The following SPG11 variants were observed in gnomAD, a reference collection of about 807,000 sequenced individuals.
SPG11 encodes the protein SPG11 vesicle trafficking associated, spatacsin, also known as spatacsin.
In SPG11, 222 loss-of-function variants were observed where a neutral mutation model predicts 274.0. That is an observed-to-expected ratio of 0.81 (90% confidence interval 0.73 to 0.91). The LOEUF (loss-of-function observed/expected upper bound fraction) is 0.91, where lower values mean the gene tolerates loss of function less well. SPG11 is among the 40% of genes least tolerant of loss of function. SPG11 has a pLI of 0.00. For synonymous variants in SPG11, 1,144 were observed against 1,039.7 expected, an observed-to-expected ratio of 1.10 and a Z score of -1.93; for missense variants, 3,114 against 2,872.7, an observed-to-expected ratio of 1.08 and a Z score of -1.92.
intron 8 of SPG11, among the ~76,000 whole-genome samples, chr15:44,632,219 A>C (rs1371539338): frequency 6.6e-6 from 1 of 152,140 alleles, no homozygotes; most frequent in South Asian, 2.1e-4. Context: ...ATTTCTCCCA[A>C]TGTCAGAAGA....
Position 44,628,861 on chromosome 15 carries a change from T to G in SPG11, c.1892-17A>C. The stretch of plus-strand genomic sequence containing the variant: ...CATCTAGTTCTATGGAAAATACCAA[T>G]GTGCCAATTTGTGTGTGTGTGTGTA... On this transcript the variant is annotated splice_polypyrimidine_tract_variant and intron_variant, in intron 9 of 39. Coordinates refer to ENST00000261866, the MANE Select transcript of SPG11 (RefSeq NM_025137.4). The G allele has an allele frequency of 6.2e-7, 1 of 1,607,486 alleles. No homozygotes were observed. Among genetic ancestry groups the G allele is most frequent in the Non-Finnish European group, 8.5e-7 (1 of 1,175,942 alleles).
At chr15:44,618,199 G>C (rs2083639225) in intron 15 of SPG11, among the ~76,000 whole-genome samples, 1 of 152,044 alleles carries the variant, frequency 6.6e-6, no homozygotes, top group Non-Finnish European at 1.5e-5. Flanking sequence ...GATTTTTCTA[G>C]GTACCCCTTT....
chr15:44,568,445 G>C (rs1335998440), intron 35 of SPG11, among the ~76,000 whole-genome samples: 6 of 152,082 alleles, frequency 3.9e-5, no homozygotes, highest in African/African-American at 1.4e-4. Context: ...ATCCTGCCTG[G>C]CTGGGCCCAT....
rs2082474745 is a variant in SPG11, at chr15:44,573,700, C to G, written c.6052G>C (p.Ala2018Pro). 2 of 1,614,226 alleles carry G rather than the reference C, an allele frequency of 1.2e-6. No homozygotes were observed. The highest frequency in any genetic ancestry group is 4.5e-5 in the East Asian group (2 of 44,884). Residue 2018 changes from alanine (A) to proline (P), a missense_variant, in exon 32 of 40, where the codon GCC becomes CCC. Coordinates refer to ENST00000261866, the MANE Select transcript of SPG11 (RefSeq NM_025137.4). The part of the protein sequence containing the change: ...YTDVAAQDGE[A>P]MLRKILASQQ... ...GAGGCCAAGATTTTCCGGAGCATGGCTTCACCATCCTGAGCAGCAACATCT... is the reference window on the plus strand; with the variant it reads ...GAGGCCAAGATTTTCCGGAGCATGGGTTCACCATCCTGAGCAGCAACATCT...
chr15:44,602,607 T>G lies in SPG11; in HGVS notation c.3521-1975A>C, dbSNP rs2083223719. ...CATTCTCCTGCCTCAGCCTCCCAAG[T>G]AGGTGGGACTACAGGCGCCTGCCAC... On this transcript the variant is annotated intron_variant, in intron 20 of 39. Coordinates refer to ENST00000261866, the MANE Select transcript of SPG11 (RefSeq NM_025137.4). Among the ~76,000 whole-genome samples, 3 of 151,990 alleles carry G rather than the reference T, an allele frequency of 2.0e-5. No individual in the cohort carries two copies. The South Asian group carries it at 6.2e-4, about 31-fold the overall frequency.
intron 26 of SPG11, among the ~76,000 whole-genome samples, chr15:44,594,373 C>A (rs2140967592): frequency 6.6e-6 from 1 of 151,912 alleles, no homozygotes; most frequent in Admixed American, 6.6e-5. Context: ...TTGCAGTGAG[C>A]CGAGATCGTG....
intron 4 of SPG11, among the ~76,000 whole-genome samples, chr15:44,654,319 G>A (rs2084872780): frequency 1.3e-5 from 2 of 151,956 alleles, no homozygotes; most frequent in African/African-American, 4.8e-5. Context: ...AGACCAGCCC[G>A]GCCAACATGG....
rs201842512 is a variant in SPG11, at chr15:44,660,558, C to T, written c.316G>A (p.Ala106Thr). Residue 106 changes from alanine (A) to threonine (T), a missense_variant, in exon 2 of 40, where the codon GCT becomes ACT. Physicochemically the swap from Ala to Thr is moderately conservative, Grantham distance 58. Coordinates refer to ENST00000261866, the MANE Select transcript of SPG11 (RefSeq NM_025137.4). ...STPTEKPKLLALGENYELLIY... is the reference protein window; with the variant it reads ...STPTEKPKLLTLGENYELLIY... ...AGCAGTTCATAATTTTCACCAAGAG[C>T]GAGCAGTTTGGGCTTTTCAGTTGGT... is the stretch of plus-strand genomic sequence containing the variant. 79 of 1,614,076 alleles carry T rather than the reference C, an allele frequency of 4.9e-5. No individual in the cohort carries two copies. In the Admixed American group the frequency reaches 5.0e-4, roughly 10 times the overall value.
intron 30 of SPG11, among the ~76,000 whole-genome samples, chr15:44,582,356 T>G (rs1028863486): frequency 6.6e-6 from 1 of 152,154 alleles, no homozygotes; most frequent in African/African-American, 2.4e-5. Flanking sequence ...AAGACCAGCC[T>G]GGCCAATATA....
chr15:44,597,721 G>A lies in SPG11; in HGVS notation c.4001+544C>T, dbSNP rs556424081. Reference sequence around the variant, plus strand: ...GATAGGATGTACAGAAAAAGGGTGCGTTCTCAGGGTCTGGAGTGGTTAGGT... The same window carrying A: ...GATAGGATGTACAGAAAAAGGGTGCATTCTCAGGGTCTGGAGTGGTTAGGT... On this transcript the variant is annotated intron_variant, in intron 23 of 39. Coordinates refer to ENST00000261866, the MANE Select transcript of SPG11 (RefSeq NM_025137.4). 1.2e-4 allele frequency among the ~76,000 whole-genome samples: 19 copies of A among 152,322 alleles called. No individual in the cohort carries two copies. The South Asian group carries it at 3.3e-3, about 27-fold the overall frequency.
At chr15:44,653,139 G>A (rs1278305930) in intron 4 of SPG11, among the ~76,000 whole-genome samples, 1 of 152,108 alleles carries the variant, frequency 6.6e-6, no homozygotes, top group East Asian at 1.9e-4. Flanking sequence ...TAGAAAGATG[G>A]TTCAGGGCCC....
At chr15:44,564,383 T>C (rs2082267445) in intron 39 of SPG11, among the ~76,000 whole-genome samples, 164 bp downstream of exon 39, 1 of 152,222 alleles carries the variant, frequency 6.6e-6, no homozygotes, top group Non-Finnish European at 1.5e-5. Context: ...TCTCTTTGCA[T>C]AAATCTGTTA....
rs748177028 is a variant in SPG11 at position 44,583,985 on chromosome 15, G to A, written c.5695C>T (p.Arg1899Trp). ...TCTGGATTATAAAAATGAAAATACC[G>A]GCATACTCTACTTGCTTCATGCACA... is the stretch of plus-strand genomic sequence containing the variant. ...GCVHEASRVCRYFHFYNPDVA... is the reference protein window; with the variant it reads ...GCVHEASRVCWYFHFYNPDVA... The change falls in exon 30 of 40, where the codon CGG (arginine) becomes TGG (tryptophan). Residue 1899 changes from arginine (R) to tryptophan (W), a missense_variant. Physicochemically the swap from Arg to Trp is moderately radical, Grantham distance 101. Coordinates refer to ENST00000261866, the MANE Select transcript of SPG11 (RefSeq NM_025137.4). The A allele has an allele frequency of 3.3e-5, 54 of 1,613,992 alleles. No individual in the cohort carries two copies. The highest frequency in any genetic ancestry group is 8.3e-5 in the Admixed American group (5 of 59,970).
rs185067490 is a variant in SPG11, at chr15:44,566,467, C to T, written c.6755-162G>A. Among the ~76,000 whole-genome samples, 9 of 152,276 alleles carry T rather than the reference C, an allele frequency of 5.9e-5. No homozygotes were observed. The South Asian group carries it at 1.0e-3, about 18-fold the overall frequency. Reference sequence around the variant, plus strand: ...AAGGTTATTGGGCCAGAAATGCATACGCTTATTGTAACTTCACTCCGCAGT... The same window carrying T: ...AAGGTTATTGGGCCAGAAATGCATATGCTTATTGTAACTTCACTCCGCAGT... On this transcript the variant is annotated intron_variant, in intron 36 of 39. Coordinates refer to ENST00000261866, the MANE Select transcript of SPG11 (RefSeq NM_025137.4).
intron 7 of SPG11, 67 bp downstream of exon 7, chr15:44,648,799 C>T: frequency 1.3e-6 from 2 of 1,542,498 alleles, no homozygotes; most frequent in South Asian, 2.2e-5. Flanking sequence ...CTCTCAAATC[C>T]TAAATCGAAT....
chr15:44,565,733 A>G (rs2082293910), intron 38 of SPG11, 121 bp downstream of exon 38: 3 of 1,271,546 alleles, frequency 2.4e-6, no homozygotes, highest in Non-Finnish European at 3.4e-6. Flanking sequence ...AGAGAGTTAA[A>G]TCAGAACTGT....
At chr15:44,612,455 A>C (rs1282969167) in intron 17 of SPG11, among the ~76,000 whole-genome samples, 1 of 152,130 alleles carries the variant, frequency 6.6e-6, no homozygotes, top group African/African-American at 2.4e-5. Flanking sequence ...TGCTTTGTCA[A>C]CTAGGCTGGA....
chr15:44,587,816 G>C (rs183275052), intron 28 of SPG11, among the ~76,000 whole-genome samples: 1 of 149,824 alleles, frequency 6.7e-6, no homozygotes, highest in Non-Finnish European at 1.5e-5. Flanking sequence ...AACTATTATA[G>C]TCATGTTTAA....
At chr15:44,625,095 T>C (rs1003242805) in intron 11 of SPG11, among the ~76,000 whole-genome samples, 4 of 150,730 alleles carry the variant, frequency 2.7e-5, no homozygotes, top group Non-Finnish European at 4.4e-5. Context: ...GATCGCACCA[T>C]TGCACTGCAG....
Sources: allele counts gnomAD v4.1 joint callset (sites outside exome capture counted in the v4.1 genomes callset), GRCh38; gene constraint gnomAD v4.1.1; transcripts MANE v1.5; gene names NCBI Gene and HGNC (gene_info 2026-07-23, HGNC 2026-07-21).